The following MCTP1 variants were observed in gnomAD, a reference collection of about 807,000 sequenced individuals.
The protein encoded by MCTP1 is multiple C2 and transmembrane domain containing 1, also known as multiple C2 and transmembrane domain-containing protein 1.
Under a neutral mutation model 120.6 loss-of-function variants are expected in MCTP1, and 69 were observed. That is an observed-to-expected ratio of 0.57 (90% CI 0.47 to 0.70). MCTP1 has a LOEUF of 0.70. Ranked by LOEUF, MCTP1 falls within the 30% of genes least tolerant of loss-of-function variation. The probability of loss-of-function intolerance (pLI) is 0.00; values close to 1 mark genes in which losing one functional copy is unlikely to be tolerated. For missense variants in MCTP1, 1,203 were observed against 1,248.8 expected (o/e 0.96, Z 0.55); for synonymous variants, 529 against 493.1 (o/e 1.07, Z -0.96).
chr5:95,213,692 C>A (rs1400075359), intron 1 of MCTP1, among the ~76,000 whole-genome samples: 3 of 151,258 alleles, frequency 2.0e-5, no homozygotes, highest in Admixed American at 1.3e-4. Context: ...CAGAACAGAG[C>A]CCTCAGAAAT....
At chr5:94,959,795 C>T (rs973948132) in intron 2 of MCTP1, among the ~76,000 whole-genome samples, 2 of 152,176 alleles carry the variant, frequency 1.3e-5, no homozygotes, top group African/African-American at 4.8e-5. Flanking sequence ...GAAAAACATT[C>T]CATGCTCATG....
chr5:95,163,449 G>T (rs1476854343), intron 1 of MCTP1, among the ~76,000 whole-genome samples: 1 of 152,130 alleles, frequency 6.6e-6, no homozygotes, highest in African/African-American at 2.4e-5. Flanking sequence ...ATGTTCTTTT[G>T]GTTCATTCTT....
intron 18 of MCTP1, among the ~76,000 whole-genome samples, chr5:94,795,151 T>C (rs1011202624): frequency 1.3e-5 from 2 of 152,018 alleles, no homozygotes; most frequent in African/African-American, 2.4e-5. Flanking sequence ...ATTTCCTTCA[T>C]TCTCTGAGAC....
At chr5:94,790,619 C>T (rs952170690) in intron 18 of MCTP1, among the ~76,000 whole-genome samples, 3 of 152,094 alleles carry the variant, frequency 2.0e-5, no homozygotes, top group African/African-American at 7.2e-5. Context: ...CATGTCGGGC[C>T]TTAAAATGGA....
At chr5:95,038,650 A>C (rs747437327) in intron 1 of MCTP1, among the ~76,000 whole-genome samples, 1 of 152,238 alleles carries the variant, frequency 6.6e-6, no homozygotes, top group African/African-American at 2.4e-5. Context: ...TCTCTTCACC[A>C]TCCCTTTTCC....
rs114707158 is a variant in MCTP1, at chr5:94,723,505, C to G, written c.2611-8619G>C. ...CTATTTTAGAAAATGATGGTAAATT[C>G]TTTATAATGTTACACTGAGATTTTT... On this transcript the variant is annotated intron_variant, in intron 19 of 22. Coordinates refer to ENST00000515393, the MANE Select transcript of MCTP1 (RefSeq NM_024717.7). Among the ~76,000 whole-genome samples the G allele has an allele frequency of 2.4e-3, 369 of 151,502 alleles. 1 individual carries two copies. The highest frequency in any genetic ancestry group is 3.7e-3 in the Non-Finnish European group (252 of 67,878).
chr5:95,097,319 T>C (rs1428596791), intron 1 of MCTP1, among the ~76,000 whole-genome samples: 2 of 152,172 alleles, frequency 1.3e-5, no homozygotes, highest in Non-Finnish European at 2.9e-5. Context: ...TGGGCTAGGA[T>C]AGAAGGGCGG....
chr5:94,798,536 T>C (rs1225489540), intron 18 of MCTP1, among the ~76,000 whole-genome samples: 1 of 152,070 alleles, frequency 6.6e-6, no homozygotes, highest in Non-Finnish European at 1.5e-5. Flanking sequence ...CAGCGAACCT[T>C]CATTGAACTA....
intron 17 of MCTP1, among the ~76,000 whole-genome samples, chr5:94,800,779 A>C (rs1376963740): frequency 6.6e-6 from 1 of 152,160 alleles, no homozygotes; most frequent in African/African-American, 2.4e-5. Flanking sequence ...CAAAAAGCAT[A>C]AATAATAGTT....
intron 1 of MCTP1, among the ~76,000 whole-genome samples, chr5:95,253,566 G>A (rs150530531): frequency 3.9e-5 from 6 of 151,996 alleles, no homozygotes; most frequent in Non-Finnish European, 5.9e-5. Flanking sequence ...GCTCTTTCCC[G>A]ATGAAAATGT....
intron 1 of MCTP1, among the ~76,000 whole-genome samples, chr5:95,165,821 C>G (rs961079901): frequency 4.6e-5 from 7 of 152,150 alleles, no homozygotes. Context: ...TTCCTATGTT[C>G]TCGTCCTTCT....
At chr5:94,715,635 T>TAGAG (rs1291093630) in intron 19 of MCTP1, among the ~76,000 whole-genome samples, 7 of 152,130 alleles carry the variant, frequency 4.6e-5, no homozygotes, top group Non-Finnish European at 8.8e-5. Flanking sequence ...TTAAAGCACC[T>TAGAG]AGAGAGTGGT....
intron 3 of MCTP1, among the ~76,000 whole-genome samples, chr5:94,944,462 T>C (rs1818453971): frequency 6.6e-6 from 1 of 152,146 alleles, no homozygotes; most frequent in African/African-American, 2.4e-5. Context: ...TTGGAGAAAT[T>C]TCTCTTGTGG....
chr5:94,937,429 G>C (rs114778345), intron 5 of MCTP1, among the ~76,000 whole-genome samples: 347 of 152,100 alleles, frequency 2.3e-3, no homozygotes, highest in African/African-American at 8.1e-3. Flanking sequence ...ACGATGAAGA[G>C]AAAGGAAAAG....
At position 94,947,577 on chromosome 5, in the gene MCTP1, T is replaced by TATAGAGAGAGAGAG; in HGVS notation, c.982-5151_982-5150insCTCTCTCTCTCTAT. ...CTAAATATATATATATATATATATA[T>TATAGAGAGAGAGAG]AGAGAGAGAGAGAGAGAGAGAGAGA... is the stretch of plus-strand genomic sequence containing the variant. On this transcript the variant is annotated intron_variant, in intron 3 of 22. Coordinates refer to ENST00000515393, the MANE Select transcript of MCTP1 (RefSeq NM_024717.7). 8.9e-4 allele frequency among the ~76,000 whole-genome samples: 42 copies of TATAGAGAGAGAGAG among 47,390 alleles called. 1 individual carries two copies. The highest frequency in any genetic ancestry group is 1.4e-3 in the Non-Finnish European group (34 of 25,014). 31.1% of individuals were successfully genotyped at this position (47,390 alleles called of 152,430 possible).
chr5:94,919,005 T>C (rs1386796757), intron 7 of MCTP1, among the ~76,000 whole-genome samples: 1 of 152,206 alleles, frequency 6.6e-6, no homozygotes, highest in Non-Finnish European at 1.5e-5. Context: ...CTCCCTTTTT[T>C]TGACAGAGAC....
chr5:94,984,896 G>C (rs1830180735), intron 2 of MCTP1, among the ~76,000 whole-genome samples: 1 of 152,096 alleles, frequency 6.6e-6, no homozygotes, highest in African/African-American at 2.4e-5. Flanking sequence ...GAGAGCACTT[G>C]CTAATAAACT....
intron 6 of MCTP1, among the ~76,000 whole-genome samples, chr5:94,928,347 A>T (rs1451207995): frequency 1.3e-5 from 2 of 152,174 alleles, no homozygotes; most frequent in Non-Finnish European, 1.5e-5. Flanking sequence ...CACAAAATAC[A>T]CATAAATCAT....
At chr5:94,958,083 G>A (rs1277096662) in intron 2 of MCTP1, among the ~76,000 whole-genome samples, 2 of 139,094 alleles carry the variant, frequency 1.4e-5, no homozygotes, top group Non-Finnish European at 3.2e-5. Flanking sequence ...AGACCACAGT[G>A]CAATCAAATT....
Sources: allele counts gnomAD v4.1 joint callset (sites outside exome capture counted in the v4.1 genomes callset), GRCh38; gene constraint gnomAD v4.1.1; transcripts MANE v1.5; gene names NCBI Gene and HGNC (gene_info 2026-07-23, HGNC 2026-07-21).